Variants in CENPE observed in about 807,000 individuals in gnomAD.
CENPE encodes the protein centromere protein E.
Under a neutral mutation model 336.1 loss-of-function variants are expected in CENPE, and 145 were observed. The observed-to-expected ratio is 0.43, with a 90% CI of 0.38 to 0.50. The LOEUF (loss-of-function observed/expected upper bound fraction) is 0.50. Ranked by LOEUF, CENPE falls within the 20% of genes least tolerant of loss-of-function variation. The pLI is 0.00. For missense variants in CENPE, 2,719 were observed against 3,023.3 expected, an observed-to-expected ratio of 0.90 and a Z score of 2.36; for synonymous variants, 1,013 against 984.8, an observed-to-expected ratio of 1.03 and a Z score of -0.54.
chr4:103,186,612 G>A (rs778740916), intron 8 of CENPE, among the ~76,000 whole-genome samples: 20 of 152,172 alleles, frequency 1.3e-4, no homozygotes, highest in Non-Finnish European at 2.4e-4. Flanking sequence ...AGTACATCAG[G>A]TGCTAGGGCT....
chr4:103,165,467 G>C (rs62327336), intron 16 of CENPE, among the ~76,000 whole-genome samples: 2 of 152,012 alleles, frequency 1.3e-5, no homozygotes, highest in Non-Finnish European at 2.9e-5. Context: ...TTTGACAAAA[G>C]CTTTAGGAAA....
intron 42 of CENPE, among the ~76,000 whole-genome samples, chr4:103,126,138 G>C (rs1204023593): frequency 1.3e-5 from 2 of 152,104 alleles, no homozygotes; most frequent in East Asian, 1.9e-4. Context: ...AAACTTCGGA[G>C]ACCTAGTCAT....
chr4:103,180,000 AAAT>A (rs1756197285), intron 13 of CENPE, among the ~76,000 whole-genome samples: 2 of 152,368 alleles, frequency 1.3e-5, no homozygotes, highest in Admixed American at 1.3e-4. Context: ...TTTAAGTAGA[AAAT>A]AATATTTCCA....
chr4:103,139,000 C>G (rs1752310651), intron 38 of CENPE, among the ~76,000 whole-genome samples: 1 of 152,188 alleles, frequency 6.6e-6, no homozygotes, highest in African/African-American at 2.4e-5. Context: ...ACCAAATATA[C>G]TGGCAAAACC....
chr4:103,110,711 A>T, intron 47 of CENPE, 117 bp downstream of exon 47: 1 of 594,986 alleles, frequency 1.7e-6, no homozygotes, highest in Non-Finnish European at 2.7e-6. Flanking sequence ...TCTAAAAATT[A>T]CTTTCCCCAT....
At chr4:103,117,212 G>T (rs1578544496) in intron 44 of CENPE, among the ~76,000 whole-genome samples, 1 of 152,118 alleles carries the variant, frequency 6.6e-6, no homozygotes, top group African/African-American at 2.4e-5. Context: ...AAAATACTGG[G>T]AGTTCCTACA....
At chr4:103,133,658 T>A in intron 41 of CENPE, 37 bp downstream of exon 41, 1 of 1,397,118 alleles carries the variant, frequency 7.2e-7, no homozygotes, top group Non-Finnish European at 1.0e-6. Context: ...ATAAAAAGGC[T>A]TAAAATCTAA....
rs141749458 is a variant in CENPE at position 103,145,877 on chromosome 4, T to C, written c.4365A>G (p.Gln1455=). The change falls in exon 30 of 49, where the codon CAA becomes CAG. Residue 1455 remains glutamine (Q), a synonymous_variant. Transcript: ENST00000265148. Reference sequence around the variant, plus strand: ...TTTCTTTGAGCTGGTCACTTTCAGATTGAAGAACTTCTTGCAGCCTCTGTA... The same window carrying C: ...TTTCTTTGAGCTGGTCACTTTCAGACTGAAGAACTTCTTGCAGCCTCTGTA... ...DDLQRLQEVL[Q]SESDQLKENI... 1.4e-5 allele frequency: 23 copies of C among 1,613,336 alleles called. No homozygotes were observed. The highest frequency in any genetic ancestry group is 1.2e-4 in the South Asian group (11 of 90,852).
At chr4:103,186,588 A>T (rs1032148536) in intron 8 of CENPE, among the ~76,000 whole-genome samples, 2 of 152,210 alleles carry the variant, frequency 1.3e-5, no homozygotes, top group African/African-American at 4.8e-5. Flanking sequence ...GTGGCTGCTT[A>T]TTATGCTCCA....
intron 28 of CENPE, 115 bp from the exon 29 acceptor site, chr4:103,147,761 T>A: frequency 3.6e-6 from 3 of 828,414 alleles, no homozygotes; most frequent in Non-Finnish European, 5.5e-6. Flanking sequence ...TGGCGCAATC[T>A]CAGTTCACTG....
intron 43 of CENPE, among the ~76,000 whole-genome samples, chr4:103,121,731 CT>C (rs112526117): frequency 3.6e-4 from 53 of 147,138 alleles, no homozygotes; most frequent in African/African-American, 7.5e-4. Flanking sequence ...TAAAAAAACA[CT>C]TTTTTTTTTG....
chr4:103,173,278 G>A (rs750578487), intron 16 of CENPE, among the ~76,000 whole-genome samples: 3 of 151,962 alleles, frequency 2.0e-5, no homozygotes, highest in African/African-American at 4.8e-5. Context: ...TTCAATAGTG[G>A]TGCTGGGAAA....
chr4:103,187,416 C>G (rs1417333024), intron 8 of CENPE, among the ~76,000 whole-genome samples: 1 of 152,152 alleles, frequency 6.6e-6, no homozygotes, highest in Non-Finnish European at 1.5e-5. Context: ...AGGCTACCCA[C>G]AAAGGGAAGC....
At chr4:103,119,654 C>CT (rs1750435623) in intron 44 of CENPE, among the ~76,000 whole-genome samples, 1 of 152,016 alleles carries the variant, frequency 6.6e-6, no homozygotes, top group African/African-American at 2.4e-5. Context: ...GTGGCTGGAA[C>CT]TAAAACAAGA....
At chr4:103,190,461 A>G (rs911282431) in intron 8 of CENPE, among the ~76,000 whole-genome samples, 41 of 152,108 alleles carry the variant, frequency 2.7e-4, no homozygotes, top group African/African-American at 9.4e-4. Flanking sequence ...ACCAATGGAA[A>G]GGAACAGAGC....
intron 16 of CENPE, among the ~76,000 whole-genome samples, chr4:103,170,155 G>T (rs2125995035): frequency 6.6e-6 from 1 of 152,266 alleles, no homozygotes; most frequent in South Asian, 2.1e-4. Context: ...CTAGGGGAGG[G>T]ATGGCATTAG....
At chr4:103,180,261 C>A in intron 13 of CENPE, 50 bp downstream of exon 13, 5 of 1,483,554 alleles carry the variant, frequency 3.4e-6, no homozygotes, top group South Asian at 2.5e-5. Context: ...ATAGAAATAC[C>A]AATTCTATTC....
rs759449435 is a variant in CENPE, at chr4:103,140,850, G to T, written c.5718C>A (p.Asp1906Glu). ...TTTCTTGCAGGCTTTCCTTGAGTTG[G>T]TCTCTCTCCAGTTTGAGTGTCTCCT... is the stretch of plus-strand genomic sequence containing the variant. The part of the protein sequence containing the change: ...RVEETLKLER[D>E]QLKESLQETK... The change falls in exon 36 of 49, where the codon GAC becomes GAA. Residue 1906 changes from aspartate to glutamate, a missense_variant. Asp to Glu is a conservative substitution (Grantham distance 45). Transcript: ENST00000265148. The T allele has an allele frequency of 6.2e-7, 1 of 1,601,306 alleles. No individual in the cohort carries two copies. The highest frequency in any genetic ancestry group is 1.4e-5 in the African/African-American group (1 of 73,782).
Position 103,176,047 on chromosome 4 carries a change from A to T in CENPE, c.1392T>A (p.Ser464=), listed in dbSNP as rs1755826919. Residue 464 remains serine, a splice_region_variant and synonymous_variant, in exon 15 of 49, where the codon TCT becomes TCA. Coordinates refer to ENST00000265148, the MANE Select transcript of CENPE (RefSeq NM_001813.3). The part of the protein sequence containing the change: ...SINLLREIDE[S]VCSESDVFSN... ...TGAAAACATCAGACTCTGAACAGACAGCTATAATTAGAGAAAAAAAAAATT... is the reference window on the plus strand; with the variant it reads ...TGAAAACATCAGACTCTGAACAGACTGCTATAATTAGAGAAAAAAAAAATT... 1 of 1,565,634 alleles carries T rather than the reference A, an allele frequency of 6.4e-7. No homozygotes were observed. Among genetic ancestry groups the T allele is most frequent in the East Asian group, 2.3e-5 (1 of 44,002 alleles).
Sources: allele counts gnomAD v4.1 joint callset (sites outside exome capture counted in the v4.1 genomes callset), GRCh38; gene constraint gnomAD v4.1.1; transcripts MANE v1.5; gene names NCBI Gene and HGNC (gene_info 2026-07-23, HGNC 2026-07-21).